The following RAB22A variants were observed in gnomAD, a reference collection of about 807,000 sequenced individuals.
RAB22A encodes RAB22A, member RAS oncogene family.
In RAB22A, 13 loss-of-function variants were observed where a neutral mutation model predicts 30.2. The observed-to-expected ratio is 0.43, with a 90% CI of 0.28 to 0.68. The LOEUF is 0.68. RAB22A is among the 30% of genes least tolerant of loss of function. RAB22A has a pLI of 0.18. For synonymous variants in RAB22A, 89 were observed against 87.2 expected (o/e 1.02, Z -0.11); for missense variants, 177 against 246.8 (o/e 0.72, Z 1.89).
chr20:58,345,602 C>T (rs571189474), intron 3 of RAB22A: 12 of 152,478 alleles, frequency 7.9e-5, no homozygotes, highest in Admixed American at 5.9e-4. Context: ...TGAGCACACA[C>T]TCCAGCCAGT....
chr20:58,316,677 T>C lies in RAB22A; in HGVS notation c.116+5555T>C, dbSNP rs774592198. Among the ~76,000 whole-genome samples, 3 of 152,188 alleles carry C rather than the reference T, an allele frequency of 2.0e-5. No homozygotes were observed. The South Asian group carries it at 6.2e-4, about 31-fold the overall frequency. On this transcript the variant is annotated intron_variant, in intron 2 of 6. Coordinates refer to ENST00000244040, the MANE Select transcript of RAB22A (RefSeq NM_020673.3). ...TACTGCAGCAGCACCAAATTCCCTC[T>C]TAAGCTCTAGACCTGCAGATTCTGC... is the stretch of plus-strand genomic sequence containing the variant.
chr20:58,312,410 C>T (rs1319712116), intron 2 of RAB22A, among the ~76,000 whole-genome samples: 4 of 149,316 alleles, frequency 2.7e-5, no homozygotes, highest in Non-Finnish European at 5.9e-5. Context: ...ACTATCACAC[C>T]TGGCTAAATT....
intron 2 of RAB22A, among the ~76,000 whole-genome samples, chr20:58,317,832 C>T (rs1251119399): frequency 6.6e-6 from 1 of 152,032 alleles, no homozygotes; most frequent in Non-Finnish European, 1.5e-5. Flanking sequence ...AGGCGTGAAC[C>T]ACCACGCCTG....
At chr20:58,338,773 A>T (rs946347702) in intron 2 of RAB22A, among the ~76,000 whole-genome samples, 3 of 152,188 alleles carry the variant, frequency 2.0e-5, no homozygotes, top group Non-Finnish European at 2.9e-5. Context: ...GAACTTCTAG[A>T]TGTCATGTGC....
Position 58,313,521 on chromosome 20 carries a change from C to A in RAB22A, c.116+2399C>A, listed in dbSNP as rs1270743212. Among the ~76,000 whole-genome samples the A allele has an allele frequency of 2.6e-5, 4 of 152,118 alleles. No homozygotes were observed. The East Asian group carries it at 7.7e-4, about 29-fold the overall frequency. ...CACCACAAGAGCACCCATTCCCCAA[C>A]CTACTGCTCAGATGGTGGAACTCCT... On this transcript the variant is annotated intron_variant, in intron 2 of 6. Transcript: ENST00000244040.
intron 2 of RAB22A, among the ~76,000 whole-genome samples, chr20:58,330,695 T>A (rs560919818): frequency 6.6e-6 from 1 of 152,308 alleles, no homozygotes; most frequent in East Asian, 1.9e-4. Flanking sequence ...TCCTTATTCT[T>A]GGGACACTAT....
At chr20:58,327,072 C>G (rs75099125) in intron 2 of RAB22A, among the ~76,000 whole-genome samples, 2,418 of 152,204 alleles carry the variant, frequency 0.016, 27 homozygotes, top group Non-Finnish European at 0.02. Context: ...TCTGGAAGGC[C>G]AATGTGGGAG....
intron 2 of RAB22A, among the ~76,000 whole-genome samples, chr20:58,330,251 T>TC (rs1335398282): frequency 1.4e-4 from 21 of 152,326 alleles, no homozygotes; most frequent in Non-Finnish European, 1.5e-5. Context: ...CTAATATTTT[T>TC]CCCCCAGTAT....
chr20:58,354,139 T>C lies in RAB22A; in HGVS notation c.378-17T>C, dbSNP rs759206416. 1 of 1,573,814 alleles carries C rather than the reference T, an allele frequency of 6.4e-7. No individual in the cohort carries two copies. The highest frequency in any genetic ancestry group is 1.1e-5 in the South Asian group (1 of 89,894). On this transcript the variant is annotated splice_polypyrimidine_tract_variant and intron_variant, in intron 5 of 6. Coordinates refer to ENST00000244040, the MANE Select transcript of RAB22A (RefSeq NM_020673.3). ...CTTCATGGGTAGAATTTCTGATATG[T>C]AGTTGTTGCCTTCCAGAGAAGTCAT... is the stretch of plus-strand genomic sequence containing the variant.
chr20:58,352,728 A>G (rs574932542), intron 3 of RAB22A, among the ~76,000 whole-genome samples: 237 of 152,334 alleles, frequency 1.6e-3, no homozygotes, highest in African/African-American at 5.4e-3. Context: ...ATGAAATGAG[A>G]TCTGTACCCA....
rs544929556 is a variant in RAB22A at position 58,309,929 on chromosome 20, C to T, written c.-48C>T. On this transcript the variant is annotated 5_prime_UTR_variant, in exon 1 of 7. Coordinates refer to ENST00000244040, the MANE Select transcript of RAB22A (RefSeq NM_020673.3). ...TGCTCTTGCTGGGCCTGGCCTCTCCCTTCTCAACTTAGGGCGGCGGCGGGC... is the reference window on the plus strand; with the variant it reads ...TGCTCTTGCTGGGCCTGGCCTCTCCTTTCTCAACTTAGGGCGGCGGCGGGC... 306 of 1,257,120 alleles carry T rather than the reference C, an allele frequency of 2.4e-4. 4 individuals are homozygous for T. In the South Asian group the frequency reaches 9.8e-3, roughly 40 times the overall value. The allele number at this position is 1,257,120 out of a possible 1,614,324, so 77.9% of individuals were successfully genotyped here.
At chr20:58,317,432 A>G (rs1422191820) in intron 2 of RAB22A, among the ~76,000 whole-genome samples, 1 of 152,070 alleles carries the variant, frequency 6.6e-6, no homozygotes, top group Non-Finnish European at 1.5e-5. Context: ...CTGTTTCTTC[A>G]TAAGCAAGTA....
In RAB22A at chr20:58,309,762, A is replaced by G. The variant is rs1453453095; in HGVS notation, c.-215A>G. ...AGATGGCGGCGGCGGCGGCTCCCGG[A>G]AGGCCGCGGCGGCGTCCCGGCTGCT... On this transcript the variant is annotated 5_prime_UTR_variant, in exon 1 of 7. Coordinates refer to ENST00000244040, the MANE Select transcript of RAB22A (RefSeq NM_020673.3). 1.7e-5 allele frequency: 5 copies of G among 299,494 alleles called. No homozygotes were observed. The highest frequency in any genetic ancestry group is 1.8e-5 in the Non-Finnish European group (3 of 169,424). The allele number at this position is 299,494 out of a possible 1,614,324, so 18.6% of individuals were successfully genotyped here.
rs1987296952 is a variant in RAB22A at position 58,365,301 on chromosome 20, TC to T, written c.*5600del. On this transcript the variant is annotated 3_prime_UTR_variant, in exon 7 of 7. Transcript: ENST00000244040. ...TTGTAGAAGAGCTGGGCATACCTCT[TC>T]CTCTAGGCCAATTCAGAGGCCACTG... is the stretch of plus-strand genomic sequence containing the variant. 6.6e-6 allele frequency: 1 copy of T among 152,174 alleles called. No homozygotes were observed. The highest frequency in any genetic ancestry group is 1.5e-5 in the Non-Finnish European group (1 of 68,036). The allele number at this position is 152,174 out of a possible 1,614,324, so 9.4% of individuals were successfully genotyped here.
chr20:58,356,558 G>A (rs1279965295), intron 6 of RAB22A, among the ~76,000 whole-genome samples: 1 of 152,180 alleles, frequency 6.6e-6, no homozygotes, highest in Admixed American at 6.5e-5. Context: ...GCACGTATCA[G>A]AAGTATAAGG....
At position 58,366,279 on chromosome 20, in the gene RAB22A, C is replaced by G. The variant is rs573167530; in HGVS notation, c.*6576C>G. On this transcript the variant is annotated 3_prime_UTR_variant, in exon 7 of 7. Coordinates refer to ENST00000244040, the MANE Select transcript of RAB22A (RefSeq NM_020673.3). Reference sequence around the variant, plus strand: ...GGTCACAGCAACAGGGACTGCTCACCCCCTCCAGCTGGGGCTTTTCTAACA... The same window carrying G: ...GGTCACAGCAACAGGGACTGCTCACGCCCTCCAGCTGGGGCTTTTCTAACA... 6.6e-6 allele frequency: 1 copy of G among 152,176 alleles called. No homozygotes were observed. 9.4% of individuals were successfully genotyped at this position (152,176 alleles called of 1,614,324 possible).
At chr20:58,323,125 T>C (rs895503650) in intron 2 of RAB22A, among the ~76,000 whole-genome samples, 2 of 152,196 alleles carry the variant, frequency 1.3e-5, no homozygotes, top group African/African-American at 4.8e-5. Context: ...TTCATATATA[T>C]TAGGATTCTT....
In RAB22A at chr20:58,317,959, G is replaced by A. The variant is rs115939998; in HGVS notation, c.116+6837G>A. Among the ~76,000 whole-genome samples the A allele has an allele frequency of 6.8e-3, 1,032 of 152,258 alleles. 13 individuals carry two copies. Among genetic ancestry groups the A allele is most frequent in the African/African-American group, 0.024 (982 of 41,550 alleles). On this transcript the variant is annotated intron_variant, in intron 2 of 6. Transcript: ENST00000244040. ...CAGCATCAAACTCCTAAGCTCAAGC[G>A]ATCTTCTTGGCTCAGCCTCCTGAGT...
intron 2 of RAB22A, among the ~76,000 whole-genome samples, chr20:58,315,267 T>C (rs1237191556): frequency 6.6e-6 from 1 of 152,160 alleles, no homozygotes; most frequent in Non-Finnish European, 1.5e-5. Context: ...TGACTTCCCA[T>C]GTTTCTCACC....
Sources: gnomAD v4.1 joint callset for allele counts (sites outside exome capture counted in the v4.1 genomes callset) on GRCh38, gnomAD v4.1.1 for gene constraint, MANE v1.5 for transcripts, NCBI Gene and HGNC (gene_info 2026-07-23, HGNC 2026-07-21) for gene names.